EP300: variants seen among roughly 807,000 people sequenced by gnomAD.
EP300 encodes the protein histone acetyltransferase p300.
A neutral mutation model predicts 264.0 loss-of-function variants in EP300; 31 were observed. The observed-to-expected ratio is 0.12, with a 90% confidence interval of 0.09 to 0.16. The LOEUF is 0.16. Among genes scored for constraint, EP300 ranks in the 10% least tolerant of loss-of-function variants. EP300 has a pLI of 1.00. For missense variants in EP300, 2,766 were observed against 3,052.9 expected (o/e 0.91, Z 2.21); for synonymous variants, 1,340 against 1,045.4 (o/e 1.28, Z -5.44).
chr22:41,146,475 C>T, intron 10 of EP300: 1 of 462,394 alleles, frequency 2.2e-6, no homozygotes, highest in Middle Eastern at 6.5e-4. Context: ...CCTATAATGG[C>T]TTCAATAGCT....
chr22:41,110,830 C>T (rs897348485), intron 1 of EP300, among the ~76,000 whole-genome samples: 3 of 151,970 alleles, frequency 2.0e-5, no homozygotes, highest in Non-Finnish European at 4.4e-5. Flanking sequence ...ATCTATAGAT[C>T]AGTACTGGGG....
chr22:41,145,337 A>G (rs2145730706), intron 10 of EP300, among the ~76,000 whole-genome samples: 1 of 152,340 alleles, frequency 6.6e-6, no homozygotes, highest in East Asian at 1.9e-4. Flanking sequence ...TTATATGAAT[A>G]AATGTTGAGC....
At chr22:41,174,286 A>C (rs1210193571) in intron 29 of EP300, among the ~76,000 whole-genome samples, 1 of 151,870 alleles carries the variant, frequency 6.6e-6, no homozygotes, top group East Asian at 1.9e-4. Flanking sequence ...AAATACAAAA[A>C]TTAGCCTGGC....
Position 41,179,219 on chromosome 22 carries a change from C to G in EP300, c.*263C>G. ...TTTGTGTGTGTGGTTCAAGTGTGCACTGGGAGGAGGCTGAGGCCTGTGAAG... is the reference window on the plus strand; with the variant it reads ...TTTGTGTGTGTGGTTCAAGTGTGCAGTGGGAGGAGGCTGAGGCCTGTGAAG... On this transcript the variant is annotated 3_prime_UTR_variant, in exon 31 of 31. Coordinates refer to ENST00000263253, the MANE Select transcript of EP300 (RefSeq NM_001429.4). The G allele has an allele frequency of 2.0e-6, 1 of 498,432 alleles. No homozygotes were observed. Among genetic ancestry groups the G allele is most frequent in the Non-Finnish European group, 3.6e-6 (1 of 279,716 alleles). 30.9% of individuals were successfully genotyped at this position (498,432 alleles called of 1,614,324 possible). A position where few individuals can be genotyped will look rare whatever the true frequency, so the allele number is the denominator to read the frequency against.
intron 23 of EP300, among the ~76,000 whole-genome samples, chr22:41,167,599 TATATATATATATATATATATATATA>T (rs930752905): frequency 1.9e-4 from 3 of 16,106 alleles, no homozygotes; most frequent in Non-Finnish European, 4.7e-4. Context: ...TATATATATA[TATATATATATATATATATATATATA>T]TATATATATA....
rs2059161872 is a variant in EP300 at position 41,170,258 on chromosome 22, T to C, written c.4287-148T>C. 5 of 715,858 alleles carry C rather than the reference T, an allele frequency of 7.0e-6. No individual in the cohort carries two copies. The South Asian group carries it at 9.2e-5, about 13-fold the overall frequency. 44.3% of individuals were successfully genotyped at this position (715,858 alleles called of 1,614,324 possible). A position where few individuals can be genotyped will look rare whatever the true frequency, so the allele number is the denominator to read the frequency against. ...GTTATGCCTAATTTTGGCCTCACAA[T>C]GTTAATCTCATTCTGGGTTATATAT... is the stretch of plus-strand genomic sequence containing the variant. On this transcript the variant is annotated intron_variant, in intron 26 of 30. Transcript: ENST00000263253.
At chr22:41,110,845 A>T (rs2058786105) in intron 1 of EP300, among the ~76,000 whole-genome samples, 1 of 151,808 alleles carries the variant, frequency 6.6e-6, no homozygotes, top group Non-Finnish European at 1.5e-5. Flanking sequence ...CTGGGGAATG[A>T]TGTTTTTAAT....
In EP300 at chr22:41,131,435, G is replaced by A; in HGVS notation, c.1330G>A (p.Gly444Arg). The A allele has an allele frequency of 6.2e-7, 1 of 1,614,044 alleles. No homozygotes were observed. Among genetic ancestry groups the A allele is most frequent in the Non-Finnish European group, 8.5e-7 (1 of 1,180,016 alleles). Residue 444 changes from glycine (G) to arginine (R), a missense_variant, in exon 6 of 31, where the codon GGG becomes AGG. Physicochemically the swap from Gly to Arg is moderately radical, Grantham distance 125. Coordinates refer to ENST00000263253, the MANE Select transcript of EP300 (RefSeq NM_001429.4). ...TGGACTTGGAAATCCTAGCTCTCTA[G>A]GGGTGGGTCAACAGTCTGCCCCCAA... is the stretch of plus-strand genomic sequence containing the variant. ...PVGLGNPSSL[G>R]VGQQSAPNLS... is the part of the protein sequence containing the mutation.
At chr22:41,093,865 C>T (rs1016750996) in intron 1 of EP300, among the ~76,000 whole-genome samples, 1 of 152,120 alleles carries the variant, frequency 6.6e-6, no homozygotes, top group Non-Finnish European at 1.5e-5. Flanking sequence ...GAGTTACGTA[C>T]CTGGAAATCA....
intron 17 of EP300, among the ~76,000 whole-genome samples, 155 bp downstream of exon 17, chr22:41,155,268 G>C (rs529960129): frequency 6.6e-6 from 1 of 151,176 alleles, no homozygotes; most frequent in South Asian, 2.1e-4. Flanking sequence ...TATTCTGGTT[G>C]CCTAGGCTGG....
chr22:41,131,423 C>T lies in EP300; in HGVS notation c.1318C>T (p.Pro440Ser). The T allele has an allele frequency of 6.2e-7, 1 of 1,613,996 alleles. No homozygotes were observed. The highest frequency in any genetic ancestry group is 2.2e-5 in the East Asian group (1 of 44,870). The stretch of plus-strand genomic sequence containing the variant: ...TGGAGCACCCGTTGGACTTGGAAAT[C>T]CTAGCTCTCTAGGGGTGGGTCAACA... ...LTGAPVGLGN[P>S]SSLGVGQQSA... is the part of the protein sequence containing the mutation. Residue 440 changes from proline (P) to serine (S), a missense_variant, in exon 6 of 31, where the codon CCT becomes TCT. By Grantham distance (74) the Pro-to-Ser change is moderately conservative. Transcript: ENST00000263253.
chr22:41,169,019 T>C (rs1569116625), intron 25 of EP300, 152 bp downstream of exon 25: 1 of 1,128,296 alleles, frequency 8.9e-7, no homozygotes, highest in East Asian at 2.4e-5. Flanking sequence ...TGAAACAGAT[T>C]AAAAAGCAAA....
chr22:41,095,453 A>T (rs183642529), intron 1 of EP300, among the ~76,000 whole-genome samples: 26 of 151,850 alleles, frequency 1.7e-4, no homozygotes, highest in Admixed American at 1.6e-3. Context: ...GCTGGTCTCG[A>T]TCTCCTGCCC....
chr22:41,144,179 C>T (rs916536204), intron 10 of EP300, among the ~76,000 whole-genome samples: 2 of 152,050 alleles, frequency 1.3e-5, no homozygotes, highest in African/African-American at 4.8e-5. Flanking sequence ...GAAGTAAATA[C>T]TAATCTCTGA....
chr22:41,158,624 C>A, intron 19 of EP300, 124 bp downstream of exon 19: 1 of 783,794 alleles, frequency 1.3e-6, no homozygotes, highest in Admixed American at 2.1e-5. Context: ...CTGTATAGCA[C>A]AAGTTCTGTT....
Position 41,154,980 on chromosome 22 carries a change from C to CT in EP300, c.3143-4dup, listed in dbSNP as rs757931697. The CT allele has an allele frequency of 0.056, 54,597 of 982,594 alleles. 1 individual carries two copies. Among genetic ancestry groups the CT allele is most frequent in the Non-Finnish European group, 0.063 (44,993 of 711,054 alleles). 60.9% of individuals were successfully genotyped at this position (982,594 alleles called of 1,614,324 possible). Reference sequence around the variant, plus strand: ...TAATTGGTAACTAATTTCAAATGCACTTTTTTTTTTTAAGTTTTCAAACCA... The same window carrying CT: ...TAATTGGTAACTAATTTCAAATGCACTTTTTTTTTTTTAAGTTTTCAAACCA... On this transcript the variant is annotated splice_polypyrimidine_tract_variant and intron_variant, in intron 16 of 30. Transcript: ENST00000263253.
intron 2 of EP300, 122 bp from the exon 3 acceptor site, chr22:41,125,742 T>G: frequency 9.2e-7 from 1 of 1,089,070 alleles, no homozygotes; most frequent in Non-Finnish European, 1.3e-6. Flanking sequence ...GTGTCTTTTC[T>G]AATAGAAGCT....
chr22:41,177,686 A>G lies in EP300; in HGVS notation c.5975A>G (p.Gln1992Arg). The G allele has an allele frequency of 6.2e-7, 1 of 1,613,886 alleles. No homozygotes were observed. Among genetic ancestry groups the G allele is most frequent in the Non-Finnish European group, 8.5e-7 (1 of 1,180,016 alleles). ...PGMGPTGMQQ[Q>R]PPWSQGGLPQ... ...ATGGGACCGACAGGGATGCAGCAACAGCCACCCTGGAGCCAAGGAGGATTG... is the reference window on the plus strand; with the variant it reads ...ATGGGACCGACAGGGATGCAGCAACGGCCACCCTGGAGCCAAGGAGGATTG... Residue 1992 changes from glutamine (Q) to arginine (R), a missense_variant, in exon 31 of 31, where the codon CAG becomes CGG. Gln to Arg is a conservative substitution (Grantham distance 43). Coordinates refer to ENST00000263253, the MANE Select transcript of EP300 (RefSeq NM_001429.4).
rs1458770443 is a variant in EP300, at chr22:41,177,341, C to T, written c.5630C>T (p.Pro1877Leu). The T allele has an allele frequency of 1.9e-6, 3 of 1,614,078 alleles. No homozygotes were observed. Among genetic ancestry groups the T allele is most frequent in the Non-Finnish European group, 2.5e-6 (3 of 1,180,016 alleles). ...QTPQPTSQPQ[P>L]TPPNSMPPYL... ...CCCCAGCCCACTTCTCAGCCTCAGC[C>T]TACCCCTCCCAATAGCATGCCACCC... is the stretch of plus-strand genomic sequence containing the variant. The change falls in exon 31 of 31, where the codon CCT (proline) becomes CTT (leucine). Residue 1877 changes from proline (P) to leucine (L), a missense_variant. Pro to Leu is a moderately conservative substitution (Grantham distance 98). Coordinates refer to ENST00000263253, the MANE Select transcript of EP300 (RefSeq NM_001429.4).
Sources: gnomAD v4.1 joint callset for allele counts (sites outside exome capture counted in the v4.1 genomes callset) on GRCh38, gnomAD v4.1.1 for gene constraint, MANE v1.5 for transcripts, NCBI Gene and HGNC (gene_info 2026-07-23, HGNC 2026-07-21) for gene names.